NPTN: variants seen among roughly 807,000 people sequenced by gnomAD.
NPTN encodes neuroplastin, also known as SDR-1.
A neutral mutation model predicts 42.7 loss-of-function variants in NPTN; 5 were observed. The ratio of observed to expected loss-of-function variants is 0.12; its 90% CI spans 0.06 to 0.25. NPTN has a LOEUF of 0.25. Ranked by LOEUF, NPTN falls within the 10% of genes least tolerant of loss-of-function variation. The pLI is 1.00. For synonymous variants in NPTN, 180 were observed against 201.9 expected, an observed-to-expected ratio of 0.89 and a Z score of 0.92; for missense variants, 307 against 525.4, an observed-to-expected ratio of 0.58 and a Z score of 4.06.
chr15:73,560,450 G>A lies in NPTN; in HGVS notation c.*613C>T, dbSNP rs1254312200. 1.3e-5 allele frequency: 2 copies of A among 152,502 alleles called. No individual in the cohort carries two copies. Among genetic ancestry groups the A allele is most frequent in the Non-Finnish European group, 2.9e-5 (2 of 68,078 alleles). 9.4% of individuals were successfully genotyped at this position (152,502 alleles called of 1,614,324 possible). Reference sequence around the variant, plus strand: ...CAGTGGACTGTTCCAGCTTATTAAAGTCACAGGTTAAGCCCTTAAAATTAT... The same window carrying A: ...CAGTGGACTGTTCCAGCTTATTAAAATCACAGGTTAAGCCCTTAAAATTAT... On this transcript the variant is annotated 3_prime_UTR_variant, in exon 9 of 9. Coordinates refer to ENST00000345330, the MANE Select transcript of NPTN (RefSeq NM_012428.4).
Position 73,592,037 on chromosome 15 carries a change from T to C in NPTN, c.540A>G (p.Thr180=), listed in dbSNP as rs1371060592. 8 of 1,613,952 alleles carry C rather than the reference T, an allele frequency of 5.0e-6. No individual in the cohort carries two copies. The East Asian group carries it at 1.6e-4, about 31-fold the overall frequency. The part of the protein sequence containing the change: ...CNLTSSSHTL[T]YSYWTKNGVE... ...CCCCATTCTTTGTCCAGTAGCTGTA[T>C]GTAAGGGTGTGAGAGCTGGAGGTGA... is the stretch of plus-strand genomic sequence containing the variant. The change falls in exon 3 of 9, where the codon ACA becomes ACG. Residue 180 remains threonine, a synonymous_variant. Transcript: ENST00000345330.
chr15:73,616,068 T>C (rs1006219443), intron 1 of NPTN, among the ~76,000 whole-genome samples: 3 of 152,218 alleles, frequency 2.0e-5, no homozygotes, highest in Non-Finnish European at 4.4e-5. Flanking sequence ...ATTTGTGCTA[T>C]TTTATACATT....
At chr15:73,630,425 G>T (rs1898676957) in intron 1 of NPTN, among the ~76,000 whole-genome samples, 1 of 152,176 alleles carries the variant, frequency 6.6e-6, no homozygotes, top group Non-Finnish European at 1.5e-5. Context: ...CCATTTTGAT[G>T]ATACATATAG....
At chr15:73,614,246 G>A (rs759681000) in intron 1 of NPTN, among the ~76,000 whole-genome samples, 8 of 151,900 alleles carry the variant, frequency 5.3e-5, no homozygotes, top group Admixed American at 2.6e-4. Flanking sequence ...TTTGAGCCTC[G>A]GAGGTGGAGG....
intron 4 of NPTN, among the ~76,000 whole-genome samples, chr15:73,586,675 A>G (rs541099316): frequency 1.3e-5 from 2 of 152,278 alleles, no homozygotes; most frequent in South Asian, 2.1e-4. Flanking sequence ...TCCAGGGATA[A>G]CTCTATGGAT....
chr15:73,628,686 C>G (rs1370769822), intron 1 of NPTN, among the ~76,000 whole-genome samples: 2 of 152,138 alleles, frequency 1.3e-5, no homozygotes, highest in Non-Finnish European at 2.9e-5. Flanking sequence ...AAACAATGTT[C>G]AAACTGACAG....
At chr15:73,611,560 C>T (rs1253544907) in intron 1 of NPTN, among the ~76,000 whole-genome samples, 1 of 151,810 alleles carries the variant, frequency 6.6e-6, no homozygotes, top group African/African-American at 2.4e-5. Flanking sequence ...ACTATAGAGA[C>T]AATAAAAAGA....
Position 73,569,744 on chromosome 15 carries a change from G to A in NPTN, c.1114+406C>T, listed in dbSNP as rs900181029. 1.0e-6 allele frequency: 1 copy of A among 985,176 alleles called. No homozygotes were observed. Among genetic ancestry groups the A allele is most frequent in the African/African-American group, 1.7e-5 (1 of 57,212 alleles). The allele number at this position is 985,176 out of a possible 1,614,324, so 61.0% of individuals were successfully genotyped here. A position where few individuals can be genotyped will look rare whatever the true frequency, so the allele number is the denominator to read the frequency against. The stretch of plus-strand genomic sequence containing the variant: ...ATCTGCCTGAAAGGCCAGGTGGCCT[G>A]CCATCTTGGGGTGGCTTCTAGGCTT... On this transcript the variant is annotated intron_variant, in intron 6 of 8. Coordinates refer to ENST00000345330, the MANE Select transcript of NPTN (RefSeq NM_012428.4). The surrounding 1 kb of genome is among the most constrained non-coding windows in gnomAD (Gnocchi z 4.1).
intron 4 of NPTN, among the ~76,000 whole-genome samples, chr15:73,575,009 G>A (rs961990338): frequency 4.6e-5 from 7 of 152,226 alleles, no homozygotes; most frequent in Non-Finnish European, 1.0e-4. Flanking sequence ...TGGAGACAGA[G>A]TTTCGCTCTT....
At chr15:73,595,711 A>G (rs892170128) in intron 2 of NPTN, among the ~76,000 whole-genome samples, 16 of 152,236 alleles carry the variant, frequency 1.1e-4, no homozygotes, top group African/African-American at 3.9e-4. Flanking sequence ...TGAAAAACCC[A>G]GAGGATCTTT....
intron 1 of NPTN, among the ~76,000 whole-genome samples, chr15:73,616,715 G>A (rs1413066592): frequency 6.6e-6 from 1 of 152,140 alleles, no homozygotes; most frequent in African/African-American, 2.4e-5. Flanking sequence ...CCTCTGCAGT[G>A]AGGTAGAGAG....
intron 1 of NPTN, among the ~76,000 whole-genome samples, chr15:73,608,599 G>A (rs1174879474): frequency 6.6e-6 from 1 of 152,208 alleles, no homozygotes; most frequent in Non-Finnish European, 1.5e-5. Flanking sequence ...TAGGGAGAAT[G>A]ACAGGTATCC....
intron 1 of NPTN, among the ~76,000 whole-genome samples, chr15:73,603,952 T>C (rs1050847198): frequency 2.0e-5 from 3 of 152,208 alleles, no homozygotes; most frequent in South Asian, 2.1e-4. Flanking sequence ...GTGAAAATCA[T>C]GTTACATTAT....
At position 73,597,148 on chromosome 15, in the gene NPTN, G is replaced by A. The variant is rs777770575; in HGVS notation, c.313C>T (p.Arg105Trp). ...SNGVSVLRIT[R>W]LTLEDSGTYE... ...GTCCCAGAGTCCTCCAAGGTGAGCC[G>A]GGTTATTCTCAGCACACTCACGCCG... is the stretch of plus-strand genomic sequence containing the variant. Residue 105 changes from arginine (R) to tryptophan (W), a missense_variant, in exon 2 of 9, where the codon CGG becomes TGG. Around this residue, in one of 2 missense-constraint regions of NPTN, gnomAD observed 264 missense variants for 491.1 expected, o/e 0.54. Coordinates refer to ENST00000345330, the MANE Select transcript of NPTN (RefSeq NM_012428.4). This position sits in a 1 kb window ranked among gnomAD's most constrained non-coding sequence, Gnocchi z 6.3. 1.9e-6 allele frequency: 3 copies of A among 1,614,136 alleles called. No homozygotes were observed. The highest frequency in any genetic ancestry group is 1.1e-5 in the South Asian group (1 of 91,080).
Position 73,560,081 on chromosome 15 carries a change from A to G in NPTN, c.*982T>C, listed in dbSNP as rs1366055872. ...CTTTTTTATACATCATTGCACTTCAATAATTACACAAAACACACAAGTACA... is the reference window on the plus strand; with the variant it reads ...CTTTTTTATACATCATTGCACTTCAGTAATTACACAAAACACACAAGTACA... On this transcript the variant is annotated 3_prime_UTR_variant, in exon 9 of 9. Transcript: ENST00000345330. The G allele has an allele frequency of 3.5e-6, 2 of 564,416 alleles. No homozygotes were observed. The highest frequency in any genetic ancestry group is 2.7e-5 in the South Asian group (1 of 36,428). 35.0% of individuals were successfully genotyped at this position (564,416 alleles called of 1,614,324 possible).
intron 1 of NPTN, 84 bp downstream of exon 1, chr15:73,633,041 G>C: frequency 1.0e-6 from 1 of 977,142 alleles, no homozygotes; most frequent in African/African-American, 1.7e-5. Flanking sequence ...CCGAGCTCCA[G>C]CGTCTCCTCA....
chr15:73,583,475 A>C (rs984123426), intron 4 of NPTN, among the ~76,000 whole-genome samples: 1 of 152,156 alleles, frequency 6.6e-6, no homozygotes, highest in Admixed American at 6.5e-5. Context: ...GTGGAGACTA[A>C]AGGAGAGAAA....
intron 1 of NPTN, among the ~76,000 whole-genome samples, chr15:73,612,303 C>T (rs938280699): frequency 6.6e-6 from 1 of 151,776 alleles, no homozygotes; most frequent in Non-Finnish European, 1.5e-5. Context: ...ACCTATAGTC[C>T]CAGCTACTCA....
At chr15:73,565,161 G>A (rs576822040) in intron 6 of NPTN, among the ~76,000 whole-genome samples, 1 of 152,314 alleles carries the variant, frequency 6.6e-6, no homozygotes, top group African/African-American at 2.4e-5. Context: ...GAGCAGTTGA[G>A]ATTCACAAGG....
Sources: allele counts gnomAD v4.1 joint callset (sites outside exome capture counted in the v4.1 genomes callset), GRCh38; gene constraint gnomAD v4.1.1; regional missense constraint gnomAD v4.1.1; non-coding constraint Gnocchi (gnomAD v3.1); transcripts MANE v1.5; gene names NCBI Gene and HGNC (gene_info 2026-07-23, HGNC 2026-07-21).